MAGI2: variants seen among roughly 807,000 people sequenced by gnomAD.
The protein encoded by MAGI2 is membrane-associated guanylate kinase, WW and PDZ domain-containing protein 2.
A neutral mutation model predicts 133.3 loss-of-function variants in MAGI2; 35 were observed. The observed-to-expected ratio is 0.26, with a 90% CI of 0.20 to 0.35. MAGI2 has a LOEUF of 0.35. MAGI2 is among the 10% of genes least tolerant of loss of function. MAGI2 has a pLI of 1.00. For missense variants in MAGI2, 1,636 were observed against 1,863.4 expected, an observed-to-expected ratio of 0.88 and a Z score of 2.25; for synonymous variants, 729 against 710.6, an observed-to-expected ratio of 1.03 and a Z score of -0.41.
chr7:78,178,179 T>C (rs1479853319), intron 13 of MAGI2, 77 bp from the exon 14 acceptor site: 5 of 901,848 alleles, frequency 5.5e-6, no homozygotes, highest in Non-Finnish European at 9.1e-6. Context: ...ATACCAATGA[T>C]AAATTAATTT....
At chr7:78,112,457 T>C (rs1819448580) in intron 20 of MAGI2, among the ~76,000 whole-genome samples, 1 of 152,210 alleles carries the variant, frequency 6.6e-6, no homozygotes. Flanking sequence ...TAGGCATATC[T>C]GAACAGGGAC....
Position 78,657,839 on chromosome 7 carries a change from A to T in MAGI2, c.419-30600T>A, listed in dbSNP as rs117589088. Among the ~76,000 whole-genome samples, 427 of 152,318 alleles carry T rather than the reference A, an allele frequency of 2.8e-3. 2 individuals are homozygous for T. The highest frequency in any genetic ancestry group is 5.3e-3 in the Non-Finnish European group (362 of 68,020). The stretch of plus-strand genomic sequence containing the variant: ...GTGATAATGTACGTGTTCAGCAATT[A>T]TAACAAATGTATCCCTCCAGTGGGT... On this transcript the variant is annotated intron_variant, in intron 2 of 21. Transcript: ENST00000354212.
At chr7:78,817,416 C>G (rs978184637) in intron 2 of MAGI2, among the ~76,000 whole-genome samples, 1 of 152,174 alleles carries the variant, frequency 6.6e-6, no homozygotes, top group Admixed American at 6.5e-5. Context: ...AAAATGCAAT[C>G]AAACAGCATC....
chr7:78,641,241 G>A (rs1410396988), intron 2 of MAGI2, among the ~76,000 whole-genome samples: 1 of 152,080 alleles, frequency 6.6e-6, no homozygotes, highest in Non-Finnish European at 1.5e-5. Context: ...GACTAATATA[G>A]TACATATGTT....
intron 1 of MAGI2, among the ~76,000 whole-genome samples, chr7:79,324,539 C>A (rs1212682058): frequency 1.8e-4 from 2 of 11,236 alleles, no homozygotes; most frequent in African/African-American, 2.7e-4. Flanking sequence ...ATATATATAA[C>A]CATATATATA....
intron 9 of MAGI2, among the ~76,000 whole-genome samples, chr7:78,336,852 C>A (rs1395875652): frequency 6.6e-6 from 1 of 152,150 alleles, no homozygotes; most frequent in East Asian, 1.9e-4. Context: ...TCTCTCAGGA[C>A]ACTTTCTTGT....
intron 2 of MAGI2, among the ~76,000 whole-genome samples, chr7:78,678,226 C>T (rs1376473186): frequency 6.6e-6 from 1 of 152,226 alleles, no homozygotes; most frequent in Non-Finnish European, 1.5e-5. Flanking sequence ...TGTTTATTGG[C>T]AATTTTATGT....
chr7:79,039,964 T>G (rs1054508641), intron 1 of MAGI2, among the ~76,000 whole-genome samples: 1 of 151,024 alleles, frequency 6.6e-6, no homozygotes, highest in African/African-American at 2.4e-5. Flanking sequence ...CTGGAGGACA[T>G]TATGTTAAGT....
chr7:78,714,672 C>T (rs185415253), intron 2 of MAGI2, among the ~76,000 whole-genome samples: 37 of 152,250 alleles, frequency 2.4e-4, no homozygotes, highest in African/African-American at 7.2e-4. Flanking sequence ...CATGCACTGT[C>T]AGCAAATAGC....
intron 1 of MAGI2, among the ~76,000 whole-genome samples, chr7:79,161,249 T>C (rs1175223196): frequency 2.6e-5 from 4 of 152,120 alleles, no homozygotes; most frequent in African/African-American, 9.6e-5. Flanking sequence ...TTTTAGGAAA[T>C]GTTAACTGAA....
chr7:78,302,068 C>T (rs1797879473), intron 9 of MAGI2, among the ~76,000 whole-genome samples: 2 of 152,042 alleles, frequency 1.3e-5, no homozygotes, highest in South Asian at 4.1e-4. Flanking sequence ...GACTGTAAAC[C>T]CCATCAGGGA....
chr7:79,181,889 G>A (rs1297873791), intron 1 of MAGI2, among the ~76,000 whole-genome samples: 1 of 152,008 alleles, frequency 6.6e-6, no homozygotes, highest in Non-Finnish European at 1.5e-5. Flanking sequence ...TAGGACAGGG[G>A]CACAATGCCA....
At chr7:78,461,931 A>G (rs1012647663) in intron 6 of MAGI2, among the ~76,000 whole-genome samples, 1 of 110,682 alleles carries the variant, frequency 9.0e-6, no homozygotes, top group African/African-American at 3.8e-5. Flanking sequence ...AAAAAAAAAA[A>G]AAAAAAAAAA....
chr7:78,882,930 C>T (rs114872561), intron 2 of MAGI2, among the ~76,000 whole-genome samples: 1 of 152,060 alleles, frequency 6.6e-6, no homozygotes, highest in South Asian at 2.1e-4. Flanking sequence ...TGGAAGCACT[C>T]CCTTAAGAAT....
chr7:78,658,001 A>G (rs1401731438), intron 2 of MAGI2, among the ~76,000 whole-genome samples: 8 of 152,170 alleles, frequency 5.3e-5, no homozygotes, highest in African/African-American at 1.7e-4. Flanking sequence ...GAAATCAAAC[A>G]ACCAATTGGA....
chr7:78,515,421 AAC>A (rs1795955022), intron 4 of MAGI2, among the ~76,000 whole-genome samples: 1 of 152,146 alleles, frequency 6.6e-6, no homozygotes, highest in Non-Finnish European at 1.5e-5. Flanking sequence ...AAACTTAGGA[AAC>A]ACTGCATATT....
intron 3 of MAGI2, among the ~76,000 whole-genome samples, chr7:78,608,296 T>C (rs1384382503): frequency 6.6e-6 from 1 of 152,142 alleles, no homozygotes; most frequent in Non-Finnish European, 1.5e-5. Flanking sequence ...CACACTCTTC[T>C]ACCCTTCCAT....
At chr7:78,750,465 AC>A (rs1823354513) in intron 2 of MAGI2, among the ~76,000 whole-genome samples, 1 of 152,220 alleles carries the variant, frequency 6.6e-6, no homozygotes, top group East Asian at 1.9e-4. Context: ...GAATCACCAC[AC>A]TGTCTTCCAC....
chr7:78,553,967 G>T (rs1179030017), intron 3 of MAGI2, among the ~76,000 whole-genome samples: 1 of 152,124 alleles, frequency 6.6e-6, no homozygotes, highest in African/African-American at 2.4e-5. Context: ...AGTGGGATTT[G>T]TATTAGGTTA....
Sources: gnomAD v4.1 joint callset for allele counts (sites outside exome capture counted in the v4.1 genomes callset) on GRCh38, gnomAD v4.1.1 for gene constraint, MANE v1.5 for transcripts, NCBI Gene and HGNC (gene_info 2026-07-23, HGNC 2026-07-21) for gene names.